PRR5: variants seen among roughly 807,000 people sequenced by gnomAD.
The protein encoded by PRR5 is proline rich 5, also known as proline-rich protein 5.
In PRR5, 25 loss-of-function variants were observed where a neutral mutation model predicts 30.6. The ratio of observed to expected loss-of-function variants is 0.82; its 90% confidence interval spans 0.60 to 1.14. The LOEUF (loss-of-function observed/expected upper bound fraction) is 1.14. PRR5 is among the 50% of genes most tolerant of loss of function. The probability of loss-of-function intolerance (pLI) is 0.00; values close to 1 mark genes in which losing one functional copy is unlikely to be tolerated. For synonymous variants in PRR5, 286 were observed against 247.1 expected (o/e 1.16, Z -1.48); for missense variants, 600 against 547.1 (o/e 1.10, Z -0.96).
At position 44,702,380 on chromosome 22, in the gene PRR5, A is replaced by G. The variant is rs1274254084; in HGVS notation, c.-95A>G. ...CCTGCTCTCGCCGGAGTTTCCGCGT[A>G]GAGGGCGCATCGCCGGCCCGGGGCC... On this transcript the variant is annotated 5_prime_UTR_variant, in exon 1 of 8. An upstream open reading frame in the 5' UTR loses its in-frame stop. Transcript: ENST00000336985. 9 of 1,198,718 alleles carry G rather than the reference A, an allele frequency of 7.5e-6. No homozygotes were observed. In the East Asian group the frequency reaches 3.3e-4, roughly 44 times the overall value. The allele number at this position is 1,198,718 out of a possible 1,614,324, so 74.3% of individuals were successfully genotyped here.
intron 2 of PRR5, among the ~76,000 whole-genome samples, chr22:44,721,089 G>T (rs184755849): frequency 2.6e-5 from 4 of 152,226 alleles, no homozygotes; most frequent in African/African-American, 9.6e-5. Flanking sequence ...CCTGATCCCA[G>T]TTGACCCCCG....
intron 1 of PRR5, among the ~76,000 whole-genome samples, chr22:44,711,007 G>A (rs1482513164): frequency 1.3e-5 from 2 of 151,914 alleles, no homozygotes; most frequent in African/African-American, 2.4e-5. Context: ...TAACTCGGCC[G>A]AGTTACCCAG....
chr22:44,705,004 C>T (rs546600242), intron 1 of PRR5, among the ~76,000 whole-genome samples: 14 of 152,300 alleles, frequency 9.2e-5, no homozygotes, highest in Non-Finnish European at 1.8e-4. Flanking sequence ...CGGGGACAGG[C>T]GTGTCATTCT....
At chr22:44,692,610 G>A (rs540205664) in intron 1 of PRR5, among the ~76,000 whole-genome samples, 1 of 152,306 alleles carries the variant, frequency 6.6e-6, no homozygotes, top group South Asian at 2.1e-4. Flanking sequence ...GGCAGTGTCA[G>A]GCAGGGCTTC....
chr22:44,708,476 G>A (rs951748142), intron 1 of PRR5, among the ~76,000 whole-genome samples: 2 of 152,114 alleles, frequency 1.3e-5, no homozygotes, highest in African/African-American at 4.8e-5. Flanking sequence ...AACCAGCTGA[G>A]GCTGTGACCA....
chr22:44,713,942 T>C (rs924207994), intron 1 of PRR5, among the ~76,000 whole-genome samples: 1 of 152,240 alleles, frequency 6.6e-6, no homozygotes. Context: ...CAGCTGGGAC[T>C]ACAGGCGCCC....
intron 1 of PRR5, among the ~76,000 whole-genome samples, chr22:44,688,765 A>G (rs900649463): frequency 2.6e-5 from 4 of 152,076 alleles, no homozygotes; most frequent in African/African-American, 9.7e-5. Context: ...AGGCAGGCGG[A>G]TCACTTGAGG....
upstream of PRR5, among the ~76,000 whole-genome samples, chr22:44,673,592 GTGGC>G (rs1471050947): frequency 6.6e-6 from 1 of 152,158 alleles, no homozygotes; most frequent in African/African-American, 2.4e-5. Flanking sequence ...GCCATCCGTT[GTGGC>G]CACTTCTTGG....
At chr22:44,712,429 GC>G (rs953024100) in intron 1 of PRR5, among the ~76,000 whole-genome samples, 15 of 152,342 alleles carry the variant, frequency 9.8e-5, no homozygotes, top group Admixed American at 7.2e-4. Context: ...CTGTGACCCT[GC>G]CCTGCGCCAG....
At chr22:44,726,751 G>C (rs1920963488) in intron 4 of PRR5, 117 bp downstream of exon 4, 2 of 1,481,372 alleles carry the variant, frequency 1.4e-6, no homozygotes, top group African/African-American at 1.4e-5. Flanking sequence ...CTGGTCCGGA[G>C]GGCTTGGAAG....
At chr22:44,732,739 C>A (rs559561572) in intron 6 of PRR5, among the ~76,000 whole-genome samples, 8 of 131,370 alleles carry the variant, frequency 6.1e-5, no homozygotes, top group African/African-American at 2.3e-4. Flanking sequence ...GCATACACAC[C>A]ACACACGTGT....
upstream of PRR5, among the ~76,000 whole-genome samples, chr22:44,700,944 G>C (rs934864958): frequency 2.0e-5 from 3 of 152,090 alleles, no homozygotes; most frequent in Non-Finnish European, 2.9e-5. Context: ...GTGCAGTGGC[G>C]AGATCTCAGC....
chr22:44,674,320 T>A (rs75139053), upstream of PRR5, among the ~76,000 whole-genome samples: 1,520 of 152,270 alleles, frequency 1.0e-2, 17 homozygotes, highest in Non-Finnish European at 0.015. Context: ...TTATTTTTAT[T>A]TTTTATTTTT....
intron 7 of PRR5, among the ~76,000 whole-genome samples, chr22:44,735,519 G>A (rs565861824): frequency 1.2e-3 from 178 of 152,346 alleles, no homozygotes; most frequent in Admixed American, 2.9e-3. Context: ...GGGGACCCAG[G>A]CTGGGAGGGA....
intron 6 of PRR5, chr22:44,734,437 C>T (rs1922817248): frequency 6.5e-6 from 1 of 152,694 alleles, no homozygotes; most frequent in East Asian, 1.9e-4. Context: ...GAGCTTTTGT[C>T]CCAGCTCAGC....
At chr22:44,729,821 TGCGCTGA>T in intron 4 of PRR5, 5 of 985,492 alleles carry the variant, frequency 5.1e-6, no homozygotes, top group Non-Finnish European at 6.0e-6. Flanking sequence ...GAGAACAGCC[TGCGCTGA>T]GCAGAACGCA....
intron 1 of PRR5, among the ~76,000 whole-genome samples, chr22:44,710,013 A>G (rs546337245): frequency 1.3e-5 from 2 of 151,780 alleles, no homozygotes; most frequent in South Asian, 4.2e-4. Context: ...CACCACCCTG[A>G]CCCCCTACCC....
chr22:44,696,788 G>GT (rs1925793241), intron 1 of PRR5, among the ~76,000 whole-genome samples: 4 of 151,314 alleles, frequency 2.6e-5, no homozygotes, highest in African/African-American at 9.8e-5. Flanking sequence ...CCAGGCTAGA[G>GT]TGCAGTGGCA....
At chr22:44,699,014 G>A (rs1280671586), upstream of PRR5, among the ~76,000 whole-genome samples, 1 of 152,218 alleles carries the variant, frequency 6.6e-6, no homozygotes, top group Non-Finnish European at 1.5e-5. Flanking sequence ...TGCCCTCCTG[G>A]CGCTGGGCTG....
Sources: allele counts gnomAD v4.1 joint callset (sites outside exome capture counted in the v4.1 genomes callset), GRCh38; gene constraint gnomAD v4.1.1; transcripts MANE v1.5; gene names NCBI Gene and HGNC (gene_info 2026-07-23, HGNC 2026-07-21).